Variants in MACROD2 observed in about 807,000 individuals in gnomAD.
MACROD2 encodes the protein mono-ADP ribosylhydrolase 2, also known as ADP-ribose glycohydrolase MACROD2.
A neutral mutation model predicts 70.4 loss-of-function variants in MACROD2; 36 were observed. That is an observed-to-expected ratio of 0.51 (90% confidence interval 0.39 to 0.68). The LOEUF (loss-of-function observed/expected upper bound fraction) is 0.68. Ranked by LOEUF, MACROD2 falls within the 30% of genes least tolerant of loss-of-function variation. MACROD2 has a pLI of 0.00. For missense variants in MACROD2, 496 were observed against 538.4 expected (o/e 0.92, Z 0.78); for synonymous variants, 172 against 178.8 (o/e 0.96, Z 0.30).
At chr20:15,772,068 A>G (rs1344317053) in intron 8 of MACROD2, among the ~76,000 whole-genome samples, 1 of 136,254 alleles carries the variant, frequency 7.3e-6, no homozygotes, top group Non-Finnish European at 1.6e-5. Flanking sequence ...CTGAGCGACA[A>G]AGTGAGACTC....
intron 6 of MACROD2, among the ~76,000 whole-genome samples, chr20:15,252,780 GACT>G (rs2077166877): frequency 6.6e-6 from 1 of 152,198 alleles, no homozygotes; most frequent in African/African-American, 2.4e-5. Context: ...ACATTCCTGT[GACT>G]ACATCCAGTG....
intron 3 of MACROD2, among the ~76,000 whole-genome samples, chr20:14,331,186 T>C (rs1353493242): frequency 6.6e-6 from 1 of 152,080 alleles, no homozygotes; most frequent in Non-Finnish European, 1.5e-5. Context: ...TCCAAGGTGA[T>C]GATCATAATG....
intron 5 of MACROD2, among the ~76,000 whole-genome samples, chr20:15,136,411 A>G (rs898340206): frequency 1.7e-4 from 26 of 152,260 alleles, no homozygotes; most frequent in African/African-American, 6.0e-4. Context: ...AATGCCGCAT[A>G]TCTACAACTA....
chr20:14,890,090 A>G (rs578130192), intron 5 of MACROD2, among the ~76,000 whole-genome samples: 2 of 152,226 alleles, frequency 1.3e-5, no homozygotes, highest in South Asian at 4.2e-4. Flanking sequence ...AACTGGAAGG[A>G]TGTAATCGCT....
chr20:15,967,416 A>G (rs2066156952), intron 12 of MACROD2, 137 bp from the exon 13 acceptor site: 3 of 637,314 alleles, frequency 4.7e-6, no homozygotes, highest in Admixed American at 3.5e-5. Flanking sequence ...ATTGGCAAAC[A>G]TATGTATTTG....
chr20:15,215,793 A>AGAAC (rs2076805298), intron 5 of MACROD2, among the ~76,000 whole-genome samples: 1 of 152,118 alleles, frequency 6.6e-6, no homozygotes, highest in Admixed American at 6.5e-5. Context: ...CCAGAGAATA[A>AGAAC]AAATTCTTGG....
At chr20:14,531,791 C>CACAG (rs1256469522) in intron 4 of MACROD2, among the ~76,000 whole-genome samples, 3 of 152,092 alleles carry the variant, frequency 2.0e-5, no homozygotes, top group Non-Finnish European at 4.4e-5. Context: ...GTATCTCAGA[C>CACAG]ACAGAGCCAC....
chr20:15,890,370 C>G (rs1260708054), intron 10 of MACROD2, among the ~76,000 whole-genome samples: 2 of 152,146 alleles, frequency 1.3e-5, no homozygotes, highest in Admixed American at 1.3e-4. Context: ...AAACTCTCTT[C>G]TTGATCCCAG....
intron 8 of MACROD2, among the ~76,000 whole-genome samples, chr20:15,644,753 G>A (rs1364203411): frequency 3.3e-5 from 5 of 152,076 alleles, no homozygotes; most frequent in Non-Finnish European, 7.4e-5. Flanking sequence ...ACAATGGCAC[G>A]GTCTCGGCTC....
At chr20:14,229,442 G>A (rs1405175739) in intron 3 of MACROD2, among the ~76,000 whole-genome samples, 1 of 152,174 alleles carries the variant, frequency 6.6e-6, no homozygotes, top group Non-Finnish European at 1.5e-5. Flanking sequence ...TAAATAAGAT[G>A]TACAGATGGC....
chr20:14,046,035 G>A (rs2053469149), intron 2 of MACROD2, among the ~76,000 whole-genome samples: 1 of 152,146 alleles, frequency 6.6e-6, no homozygotes, highest in Admixed American at 6.5e-5. Context: ...TGAAATTTCA[G>A]AAAAGGATAA....
intron 4 of MACROD2, chr20:14,566,596 A>G (rs1979823251): frequency 6.6e-6 from 1 of 151,782 alleles, no homozygotes; most frequent in South Asian, 2.1e-4. Flanking sequence ...GGACTGAAGC[A>G]CTCTCCCTTC....
intron 8 of MACROD2, among the ~76,000 whole-genome samples, chr20:15,568,857 A>T (rs1337980986): frequency 1.3e-5 from 2 of 152,192 alleles, no homozygotes; most frequent in Non-Finnish European, 2.9e-5. Context: ...AGTTATCAGA[A>T]GAATCTTCTA....
chr20:15,866,514 A>G lies in MACROD2; in HGVS notation c.727+3688A>G, dbSNP rs1354858430. Among the ~76,000 whole-genome samples the G allele has an allele frequency of 4.6e-5, 7 of 152,308 alleles. No homozygotes were observed. In the South Asian group the frequency reaches 1.0e-3, roughly 23 times the overall value. ...ATATGAAACAAATTTATGATACCCT[A>G]TGTTTTAGGCATGAAAAACGAGGAT... On this transcript the variant is annotated intron_variant, in intron 9 of 17. Transcript: ENST00000684519.
intron 3 of MACROD2, among the ~76,000 whole-genome samples, chr20:14,142,579 CTT>C (rs2148706397): frequency 6.6e-6 from 1 of 152,256 alleles, no homozygotes; most frequent in Admixed American, 6.5e-5. Flanking sequence ...TGCCACCACA[CTT>C]ATTATTTTGC....
intron 5 of MACROD2, among the ~76,000 whole-genome samples, chr20:14,764,823 T>C (rs1324620414): frequency 6.6e-6 from 1 of 152,164 alleles, no homozygotes; most frequent in East Asian, 1.9e-4. Flanking sequence ...AATGTTCTTC[T>C]TGTATTTTTG....
At chr20:15,063,532 G>A (rs2075550590) in intron 5 of MACROD2, among the ~76,000 whole-genome samples, 2 of 152,296 alleles carry the variant, frequency 1.3e-5, no homozygotes, top group African/African-American at 4.8e-5. Context: ...TATTTTAAAT[G>A]ACGTTCCTCT....
intron 8 of MACROD2, among the ~76,000 whole-genome samples, chr20:15,841,792 T>C (rs1391029898): frequency 6.6e-6 from 1 of 152,128 alleles, no homozygotes; most frequent in Non-Finnish European, 1.5e-5. Context: ...GACTAGAAGA[T>C]TCTGGTGACA....
At chr20:15,936,605 A>G (rs2065665619) in intron 11 of MACROD2, among the ~76,000 whole-genome samples, 1 of 150,142 alleles carries the variant, frequency 6.7e-6, no homozygotes, top group South Asian at 2.1e-4. Flanking sequence ...ACTGACACAC[A>G]TTTGGAATCA....
Sources: allele counts gnomAD v4.1 joint callset (sites outside exome capture counted in the v4.1 genomes callset), GRCh38; gene constraint gnomAD v4.1.1; transcripts MANE v1.5; gene names NCBI Gene and HGNC (gene_info 2026-07-23, HGNC 2026-07-21).